S100PBP: variants seen among roughly 807,000 people sequenced by gnomAD.
The protein encoded by S100PBP is S100P binding protein.
A neutral mutation model predicts 39.9 loss-of-function variants in S100PBP; 15 were observed. The ratio of observed to expected loss-of-function variants is 0.38; its 90% confidence interval spans 0.25 to 0.58. The LOEUF (loss-of-function observed/expected upper bound fraction) is 0.58, where lower values mean the gene tolerates loss of function less well. Ranked by LOEUF, S100PBP falls within the 20% of genes least tolerant of loss-of-function variation. The pLI is 0.70. For synonymous variants in S100PBP, 178 were observed against 180.3 expected (o/e 0.99, Z 0.10); for missense variants, 504 against 487.3 (o/e 1.03, Z -0.32).
chr1:32,831,284 T>A (rs1286910771), intron 5 of S100PBP, among the ~76,000 whole-genome samples: 1 of 151,902 alleles, frequency 6.6e-6, no homozygotes, highest in Non-Finnish European at 1.5e-5. Context: ...TCTAATAGAA[T>A]TACATATAAA....
In S100PBP at chr1:32,857,851, T is replaced by G. The variant is rs1333197556; in HGVS notation, c.*1813T>G. 1 of 152,242 alleles carries G rather than the reference T, an allele frequency of 6.6e-6. No homozygotes were observed. The highest frequency in any genetic ancestry group is 2.4e-5 in the African/African-American group (1 of 41,468). The allele number at this position is 152,242 out of a possible 1,614,324, so 9.4% of individuals were successfully genotyped here. A position where few individuals can be genotyped will look rare whatever the true frequency, so the allele number is the denominator to read the frequency against. On this transcript the variant is annotated 3_prime_UTR_variant, in exon 7 of 7. Coordinates refer to ENST00000373475, the MANE Select transcript of S100PBP (RefSeq NM_022753.4). ...TAAGCCAACAATAAATTTAGGTGAA[T>G]GTCCCTAAGTGTTTACTGTTTTTAT... is the stretch of plus-strand genomic sequence containing the variant.
chr1:32,823,890 A>G (rs879320041), intron 1 of S100PBP, among the ~76,000 whole-genome samples: 2 of 152,220 alleles, frequency 1.3e-5, no homozygotes, highest in African/African-American at 2.4e-5. Context: ...AGCTCAAAAA[A>G]TATCTTCTAA....
At chr1:32,840,613 T>G (rs889359764) in intron 5 of S100PBP, among the ~76,000 whole-genome samples, 2 of 152,066 alleles carry the variant, frequency 1.3e-5, no homozygotes, top group Non-Finnish European at 2.9e-5. Flanking sequence ...TGCCTCGGCC[T>G]CCCAAAGTGC....
chr1:32,853,207 G>A, intron 6 of S100PBP, 41 bp downstream of exon 6: 2 of 1,466,608 alleles, frequency 1.4e-6, no homozygotes, highest in Non-Finnish European at 9.5e-7. Context: ...GGGTAGAATG[G>A]CTGGGCGCGG....
At chr1:32,836,106 C>T (rs955185074) in intron 5 of S100PBP, 3 of 151,160 alleles carry the variant, frequency 2.0e-5, no homozygotes, top group African/African-American at 4.9e-5. Flanking sequence ...AATTTTTCCC[C>T]ATCCTTGCCA....
chr1:32,819,576 A>T (rs1638946328), intron 1 of S100PBP, among the ~76,000 whole-genome samples: 1 of 152,196 alleles, frequency 6.6e-6, no homozygotes, highest in African/African-American at 2.4e-5. Context: ...AAATAAAAAT[A>T]AAATAAAAAA....
intron 5 of S100PBP, 106 bp from the exon 6 acceptor site, chr1:32,852,973 T>G: frequency 2.7e-6 from 2 of 729,734 alleles, no homozygotes; most frequent in Non-Finnish European, 4.9e-6. Flanking sequence ...AAGTATATAT[T>G]GTTGAGAACA....
intron 5 of S100PBP, among the ~76,000 whole-genome samples, chr1:32,842,025 A>G (rs1355071271): frequency 6.6e-6 from 1 of 151,206 alleles, no homozygotes; most frequent in Non-Finnish European, 1.5e-5. Context: ...CCTCTACCAA[A>G]AAAAAATTAA....
At chr1:32,832,991 T>C (rs1639666729) in intron 5 of S100PBP, among the ~76,000 whole-genome samples, 1 of 152,118 alleles carries the variant, frequency 6.6e-6, no homozygotes, top group Non-Finnish European at 1.5e-5. Flanking sequence ...ATGGGTTTTT[T>C]TTTTATAATA....
intron 2 of S100PBP, among the ~76,000 whole-genome samples, chr1:32,825,795 C>G (rs1270117000): frequency 6.6e-6 from 1 of 152,212 alleles, no homozygotes; most frequent in African/African-American, 2.4e-5. Context: ...TTACTCTTCA[C>G]AAAATATCGT....
At chr1:32,854,138 T>C (rs1249406325) in intron 6 of S100PBP, among the ~76,000 whole-genome samples, 1 of 152,118 alleles carries the variant, frequency 6.6e-6, no homozygotes, top group Non-Finnish European at 1.5e-5. Context: ...CTTTTTTCTC[T>C]CTCACCCCAT....
chr1:32,837,010 G>A (rs61800873), intron 5 of S100PBP: 20,718 of 151,326 alleles, frequency 0.14, 1,761 homozygotes, highest in South Asian at 0.23. Context: ...AGGCTGAGGT[G>A]GGCGGATCCC....
At chr1:32,845,151 A>T (rs965810523) in intron 5 of S100PBP, among the ~76,000 whole-genome samples, 7 of 152,158 alleles carry the variant, frequency 4.6e-5, no homozygotes, top group Admixed American at 4.6e-4. Flanking sequence ...CAGCCTCCTG[A>T]GTAGCTGGGA....
At chr1:32,822,900 C>G (rs1477031166) in intron 1 of S100PBP, among the ~76,000 whole-genome samples, 1 of 152,120 alleles carries the variant, frequency 6.6e-6, no homozygotes, top group Admixed American at 6.5e-5. Flanking sequence ...CAAAAGCCCT[C>G]TTTGGTCTTT....
At chr1:32,855,782 T>G in intron 6 of S100PBP, 142 bp from the exon 7 acceptor site, 1 of 543,582 alleles carries the variant, frequency 1.8e-6, no homozygotes. Flanking sequence ...TTTCTAAAAT[T>G]GTGAGAATTG....
At chr1:32,819,235 ATAGAAT>A (rs370776902) in intron 1 of S100PBP, among the ~76,000 whole-genome samples, 67 of 152,296 alleles carry the variant, frequency 4.4e-4, no homozygotes, top group African/African-American at 1.4e-3. Context: ...GAACTAAGAA[ATAGAAT>A]TAGAAGATCG....
At chr1:32,821,059 A>G (rs1639033804) in intron 1 of S100PBP, among the ~76,000 whole-genome samples, 1 of 152,110 alleles carries the variant, frequency 6.6e-6, no homozygotes, top group African/African-American at 2.4e-5. Flanking sequence ...TTAGGTTGCC[A>G]TATTTGTTTC....
rs747761240 is a variant in S100PBP, at chr1:32,853,149, T to C, written c.1095T>C (p.Pro365=). The change falls in exon 6 of 7, where the codon CCT becomes CCC. Residue 365 remains proline (P), a synonymous_variant. Transcript: ENST00000373475. The stretch of plus-strand genomic sequence containing the variant: ...TGCAGCACTCAAAATGGCAGCATCC[T>C]TCGGACCTCACCACGCGGTGAGTGG... ...HHMQHSKWQH[P]SDLTTRNYAR... 6.2e-7 allele frequency: 1 copy of C among 1,611,948 alleles called. No homozygotes were observed. Among genetic ancestry groups the C allele is most frequent in the Non-Finnish European group, 8.5e-7 (1 of 1,179,280 alleles).
chr1:32,823,475 G>T (rs1262223004), intron 1 of S100PBP, among the ~76,000 whole-genome samples: 1 of 152,152 alleles, frequency 6.6e-6, no homozygotes, highest in Non-Finnish European at 1.5e-5. Flanking sequence ...AGCAGCTCTA[G>T]GTTTAAATAC....
Sources: gnomAD v4.1 joint callset for allele counts (sites outside exome capture counted in the v4.1 genomes callset) on GRCh38, gnomAD v4.1.1 for gene constraint, MANE v1.5 for transcripts, NCBI Gene and HGNC (gene_info 2026-07-23, HGNC 2026-07-21) for gene names.